CAPRIN1: variants seen among roughly 807,000 people sequenced by gnomAD.
CAPRIN1 encodes the protein caprin-1.
CAPRIN1 carries 29 observed loss-of-function variants against 100.9 expected under a neutral mutation model. That is an observed-to-expected ratio of 0.29 (90% CI 0.21 to 0.39). The LOEUF is 0.39. Among genes scored for constraint, CAPRIN1 ranks in the 10% least tolerant of loss-of-function variants. CAPRIN1 has a pLI of 1.00. For synonymous variants in CAPRIN1, 338 were observed against 307.5 expected (o/e 1.10, Z -1.04); for missense variants, 795 against 876.7 (o/e 0.91, Z 1.18).
Position 34,097,227 on chromosome 11 carries a change from T to C in CAPRIN1, c.1932T>C (p.Ser644=). 1 of 1,613,926 alleles carries C rather than the reference T, an allele frequency of 6.2e-7. No individual in the cohort carries two copies. Among genetic ancestry groups the C allele is most frequent in the Non-Finnish European group, 8.5e-7 (1 of 1,179,796 alleles). The part of the protein sequence containing the change: ...GGYDGYRPSF[S]NTPNSGYTQS... ...ATGATGGTTACCGCCCTTCATTCTCTAACACTCCAAACAGTGGTTATACAC... is the reference window on the plus strand; with the variant it reads ...ATGATGGTTACCGCCCTTCATTCTCCAACACTCCAAACAGTGGTTATACAC... Residue 644 remains serine, a synonymous_variant, in exon 17 of 19, where the codon TCT becomes TCC. Coordinates refer to ENST00000341394, the MANE Select transcript of CAPRIN1 (RefSeq NM_005898.5).
At chr11:34,074,366 T>G (rs1278237414) in intron 4 of CAPRIN1, among the ~76,000 whole-genome samples, 2 of 152,204 alleles carry the variant, frequency 1.3e-5, no homozygotes, top group Non-Finnish European at 2.9e-5. Context: ...GAGCTGTTAT[T>G]TATCTTTGAT....
chr11:34,076,323 C>A lies in CAPRIN1; in HGVS notation c.454C>A (p.Leu152Ile). Residue 152 changes from leucine (L) to isoleucine (I), a missense_variant, in exon 5 of 19, where the codon CTA becomes ATA. Coordinates refer to ENST00000341394, the MANE Select transcript of CAPRIN1 (RefSeq NM_005898.5). ...EQKRLKTVLE[L>I]QYVLDKLGDD... is the part of the protein sequence containing the mutation. ...GAAACGTTTAAAAACTGTACTTGAG[C>A]TACAGTATGTTTTGGACAAATTGGG... The A allele has an allele frequency of 6.2e-7, 1 of 1,614,010 alleles. No homozygotes were observed. Among genetic ancestry groups the A allele is most frequent in the Non-Finnish European group, 8.5e-7 (1 of 1,179,872 alleles).
intron 2 of CAPRIN1, among the ~76,000 whole-genome samples, chr11:34,068,949 A>G (rs910470615): frequency 2.6e-5 from 4 of 152,162 alleles, no homozygotes; most frequent in East Asian, 1.9e-4. Context: ...GTACAATACT[A>G]TAGAAAAATG....
intron 2 of CAPRIN1, among the ~76,000 whole-genome samples, chr11:34,070,119 CT>C (rs34223574): frequency 1 from 151,939 of 152,298 alleles, 75,791 homozygotes; most frequent in Middle Eastern, 1. Context: ...TCACTGTCCT[CT>C]TGACCTTTAC....
intron 15 of CAPRIN1, chr11:34,096,271 G>A: frequency 4.5e-6 from 2 of 442,700 alleles, no homozygotes; most frequent in Non-Finnish European, 4.0e-6. Context: ...AATTGTGGTT[G>A]GAGAATTTTA....
chr11:34,095,617 G>A (rs186625312), intron 15 of CAPRIN1, among the ~76,000 whole-genome samples: 9 of 152,226 alleles, frequency 5.9e-5, no homozygotes, highest in African/African-American at 2.2e-4. Flanking sequence ...TTGGCCAGCA[G>A]CTTCTGACCC....
At chr11:34,084,580 A>T (rs1791261334) in intron 9 of CAPRIN1, among the ~76,000 whole-genome samples, 1 of 152,156 alleles carries the variant, frequency 6.6e-6, no homozygotes, top group Non-Finnish European at 1.5e-5. Context: ...TATCTGCGGG[A>T]CCCACATATA....
chr11:34,060,311 T>C (rs573646870), intron 2 of CAPRIN1, among the ~76,000 whole-genome samples: 1 of 152,256 alleles, frequency 6.6e-6, no homozygotes, highest in Non-Finnish European at 1.5e-5. Context: ...GAAATTTCAT[T>C]GCATTCTCCT....
At chr11:34,065,219 C>T (rs939379361) in intron 2 of CAPRIN1, among the ~76,000 whole-genome samples, 1 of 152,178 alleles carries the variant, frequency 6.6e-6, no homozygotes, top group Non-Finnish European at 1.5e-5. Context: ...GCCTCAGCCT[C>T]CCAAAGTGCT....
At chr11:34,060,910 ATTAT>A (rs972802450) in intron 2 of CAPRIN1, among the ~76,000 whole-genome samples, 11 of 152,198 alleles carry the variant, frequency 7.2e-5, no homozygotes, top group Admixed American at 5.2e-4. Context: ...GCCCTTTAAG[ATTAT>A]TTATGGTAAT....
chr11:34,095,327 T>C (rs888254666), intron 15 of CAPRIN1, among the ~76,000 whole-genome samples: 2 of 152,266 alleles, frequency 1.3e-5, no homozygotes, highest in Admixed American at 6.5e-5. Flanking sequence ...GAAAATGTTA[T>C]GTGTATTTGT....
intron 2 of CAPRIN1, chr11:34,053,093 C>T: frequency 9.8e-7 from 1 of 1,015,240 alleles, no homozygotes; most frequent in African/African-American, 1.7e-5. Flanking sequence ...CGTCCTGCAG[C>T]CTTGGGGTCT....
intron 2 of CAPRIN1, chr11:34,063,477 A>G (rs1300785987): frequency 6.6e-6 from 1 of 152,242 alleles, no homozygotes; most frequent in East Asian, 1.9e-4. Flanking sequence ...TACATAGTGA[A>G]TACTGTCAAC....
At chr11:34,059,442 G>A (rs56188322) in intron 2 of CAPRIN1, among the ~76,000 whole-genome samples, 19 of 152,104 alleles carry the variant, frequency 1.2e-4, no homozygotes, top group South Asian at 8.3e-4. Context: ...CTAATTTTTT[G>A]TATTTTTAGT....
rs2134119775 is a variant in CAPRIN1 at position 34,082,854 on chromosome 11, C to T, written c.856C>T (p.Gln286Ter). The change falls in exon 8 of 19, where the codon CAA becomes TAA. Residue 286 changes from glutamine to a stop codon, truncating the protein, a stop_gained. Coordinates refer to ENST00000341394, the MANE Select transcript of CAPRIN1 (RefSeq NM_005898.5). LOFTEE classifies it high-confidence loss of function. ...EPEPAEEYTE[Q>*]SEVESTEYVN... The stretch of plus-strand genomic sequence containing the variant: ...TGAGCCAGCAGAAGAGTACACTGAG[C>T]AAAGTGAAGTTGAATCAACAGAGGT... 6.2e-7 allele frequency: 1 copy of T among 1,613,908 alleles called. No individual in the cohort carries two copies. Among genetic ancestry groups the T allele is most frequent in the East Asian group, 2.2e-5 (1 of 44,870 alleles).
At chr11:34,080,570 G>A (rs1459946396) in intron 7 of CAPRIN1, among the ~76,000 whole-genome samples, 2 of 152,156 alleles carry the variant, frequency 1.3e-5, no homozygotes, top group Non-Finnish European at 2.9e-5. Context: ...ATTTTATCAT[G>A]TAGCACAACA....
At chr11:34,053,186 G>A in intron 2 of CAPRIN1, 3 of 984,544 alleles carry the variant, frequency 3.0e-6, no homozygotes, top group Middle Eastern at 5.2e-4. Context: ...GAATCTTAAG[G>A]TAGAACTGCC....
chr11:34,079,832 A>C (rs750084089), intron 7 of CAPRIN1, 67 bp downstream of exon 7: 20 of 1,472,104 alleles, frequency 1.4e-5, no homozygotes, highest in Non-Finnish European at 1.9e-5. Context: ...CTACAAATTT[A>C]AACTATACAC....
At position 34,090,626 on chromosome 11, in the gene CAPRIN1, T is replaced by C. The variant is rs745495813; in HGVS notation, c.1502T>C (p.Leu501Ser). ...QVFQAGTSKP[L>S]HSSGINVNAA... is the part of the protein sequence containing the mutation. The stretch of plus-strand genomic sequence containing the variant: ...TTTCAGGCTGGGACAAGCAAACCTT[T>C]ACATAGCAGTGGAATCAATGTAAAT... The change falls in exon 14 of 19, where the codon TTA becomes TCA. Residue 501 changes from leucine to serine, a missense_variant. By Grantham distance (145) the Leu-to-Ser change is moderately radical (BLOSUM62 -2). Coordinates refer to ENST00000341394, the MANE Select transcript of CAPRIN1 (RefSeq NM_005898.5). 6.2e-7 allele frequency: 1 copy of C among 1,614,074 alleles called. No homozygotes were observed. The highest frequency in any genetic ancestry group is 1.3e-5 in the African/African-American group (1 of 74,942).
Sources: allele counts gnomAD v4.1 joint callset (sites outside exome capture counted in the v4.1 genomes callset), GRCh38; gene constraint gnomAD v4.1.1; transcripts MANE v1.5; gene names NCBI Gene and HGNC (gene_info 2026-07-23, HGNC 2026-07-21).